FSD1L: variants seen among roughly 807,000 people sequenced by gnomAD.
The protein encoded by FSD1L is FSD1-like protein.
A neutral mutation model predicts 71.6 loss-of-function variants in FSD1L; 45 were observed. The observed-to-expected ratio is 0.63, with a 90% CI of 0.49 to 0.81. The LOEUF is 0.81. FSD1L is among the 30% of genes least tolerant of loss of function. The pLI is 0.00. For synonymous variants in FSD1L, 197 were observed against 207.2 expected, an observed-to-expected ratio of 0.95 and a Z score of 0.42; for missense variants, 561 against 618.1, an observed-to-expected ratio of 0.91 and a Z score of 0.98.
At chr9:105,536,936 C>A (rs1281801588) in intron 12 of FSD1L, among the ~76,000 whole-genome samples, 1 of 152,146 alleles carries the variant, frequency 6.6e-6, no homozygotes, top group Admixed American at 6.5e-5. Context: ...CACACCCAGC[C>A]AGTTTATGGT....
Position 105,448,068 on chromosome 9 carries a change from C to CGCGCGGTCTGG in FSD1L, c.-146_-136dup. ...TGGCAACCGCGGCGTGACTACGGCG[C>CGCGCGGTCTGG]GCGCGGTCTGGGCGCGGACGGGTGG... On this transcript the variant is annotated 5_prime_UTR_variant, in exon 1 of 14. Coordinates refer to ENST00000481272, the MANE Select transcript of FSD1L (RefSeq NM_001145313.3). 1 of 836,116 alleles carries CGCGCGGTCTGG rather than the reference C, an allele frequency of 1.2e-6. No homozygotes were observed. Among genetic ancestry groups the CGCGCGGTCTGG allele is most frequent in the Non-Finnish European group, 1.9e-6 (1 of 519,962 alleles). The allele number at this position is 836,116 out of a possible 1,614,324, so 51.8% of individuals were successfully genotyped here.
At chr9:105,477,625 A>G (rs1380190674) in intron 5 of FSD1L, among the ~76,000 whole-genome samples, 1 of 152,242 alleles carries the variant, frequency 6.6e-6, no homozygotes, top group Non-Finnish European at 1.5e-5. Flanking sequence ...TACTTGTTTC[A>G]TATCAGGTAC....
At chr9:105,484,715 C>T (rs1379133686) in intron 7 of FSD1L, among the ~76,000 whole-genome samples, 1 of 151,680 alleles carries the variant, frequency 6.6e-6, no homozygotes, top group Non-Finnish European at 1.5e-5. Flanking sequence ...ATCAAGGGAT[C>T]TCTTATTGTT....
chr9:105,538,601 GC>G (rs1836412989), intron 12 of FSD1L, among the ~76,000 whole-genome samples: 1 of 152,038 alleles, frequency 6.6e-6, no homozygotes, highest in Non-Finnish European at 1.5e-5. Context: ...TTTTTTTAGG[GC>G]ATGATCCTAT....
chr9:105,496,071 CTT>C (rs1284144003), intron 7 of FSD1L, among the ~76,000 whole-genome samples: 1 of 151,036 alleles, frequency 6.6e-6, no homozygotes, highest in Non-Finnish European at 1.5e-5. Flanking sequence ...TTGACGATGT[CTT>C]TTACAGAGCA....
chr9:105,517,904 T>G (rs995678714), intron 10 of FSD1L, among the ~76,000 whole-genome samples: 12 of 152,184 alleles, frequency 7.9e-5, no homozygotes, highest in African/African-American at 2.9e-4. Context: ...GTATGCTATA[T>G]TCAGGAGACC....
Position 105,454,670 on chromosome 9 carries a change from G to T in FSD1L, c.15+6435G>T, listed in dbSNP as rs117398101. On this transcript the variant is annotated intron_variant, in intron 1 of 13. Coordinates refer to ENST00000481272, the MANE Select transcript of FSD1L (RefSeq NM_001145313.3). ...ACTGGGTAAAACAGCCAGTTCAAAG[G>T]CCACTGCACATGGTTAAGGCTTCTT... Among the ~76,000 whole-genome samples, 1,206 of 152,234 alleles carry T rather than the reference G, an allele frequency of 7.9e-3. 10 individuals are homozygous for T. Among genetic ancestry groups the T allele is most frequent in the Middle Eastern group, 0.02 (6 of 294 alleles).
intron 7 of FSD1L, among the ~76,000 whole-genome samples, chr9:105,503,542 T>A (rs1245780432): frequency 6.6e-6 from 1 of 152,218 alleles, no homozygotes; most frequent in African/African-American, 2.4e-5. Flanking sequence ...ACTTACCTTT[T>A]ACATTCAGGT....
chr9:105,481,141 C>CTGTGTGTG (rs376069658), intron 6 of FSD1L, among the ~76,000 whole-genome samples: 2,574 of 81,522 alleles, frequency 0.032, 110 homozygotes, highest in South Asian at 0.048. Flanking sequence ...CAGGCAAACT[C>CTGTGTGTG]TGTGTGTGTG....
Position 105,509,085 on chromosome 9 carries a change from C to T in FSD1L, c.895+370C>T, listed in dbSNP as rs528625070. Among the ~76,000 whole-genome samples the T allele has an allele frequency of 1.1e-4, 16 of 152,258 alleles. No homozygotes were observed. In the South Asian group the frequency reaches 3.3e-3, roughly 32 times the overall value. On this transcript the variant is annotated intron_variant, in intron 9 of 13. Coordinates refer to ENST00000481272, the MANE Select transcript of FSD1L (RefSeq NM_001145313.3). ...GGGAAGTATCTGTTTAGTTCAGGTC[C>T]TCTCTGTTTTCCTGTATCTTATTGC...
intron 10 of FSD1L, chr9:105,524,846 T>C: frequency 6.3e-7 from 1 of 1,592,120 alleles, no homozygotes; most frequent in Admixed American, 1.7e-5. Flanking sequence ...TGCTAACAAG[T>C]CAGGTGTGTG....
At chr9:105,443,093 T>G (rs1588887186), upstream of FSD1L, among the ~76,000 whole-genome samples, 1 of 152,228 alleles carries the variant, frequency 6.6e-6, no homozygotes, top group East Asian at 1.9e-4. Context: ...CACTGACTGC[T>G]TACCACTTGG....
chr9:105,482,994 C>A (rs958536873), intron 6 of FSD1L, among the ~76,000 whole-genome samples: 4 of 152,034 alleles, frequency 2.6e-5, no homozygotes, highest in African/African-American at 9.7e-5. Context: ...CAGATGTCCT[C>A]GAATCAAAAG....
At chr9:105,522,577 G>A in intron 10 of FSD1L, 1 of 1,613,486 alleles carries the variant, frequency 6.2e-7, no homozygotes, top group South Asian at 1.1e-5. Context: ...TTTTCACAAA[G>A]TGAAGAAACT....
In FSD1L at chr9:105,547,087, A is replaced by G. The variant is rs376264720; in HGVS notation, c.*604A>G. 2.0e-5 allele frequency: 3 copies of G among 152,418 alleles called. No individual in the cohort carries two copies. In the East Asian group the frequency reaches 5.8e-4, roughly 29 times the overall value. The allele number at this position is 152,418 out of a possible 1,614,324, so 9.4% of individuals were successfully genotyped here. On this transcript the variant is annotated 3_prime_UTR_variant, in exon 14 of 14. Coordinates refer to ENST00000481272, the MANE Select transcript of FSD1L (RefSeq NM_001145313.3). ...TTCTTTTTTCCAAAATATTGTGATA[A>G]GAAATTTCTAGACACAACAGCTTAA... is the stretch of plus-strand genomic sequence containing the variant.
intron 4 of FSD1L, among the ~76,000 whole-genome samples, chr9:105,469,800 GTCTATTTTTGC>G (rs1831332091): frequency 6.8e-6 from 1 of 147,330 alleles, no homozygotes; most frequent in African/African-American, 2.5e-5. Flanking sequence ...CATCTAATTT[GTCTATTTTTGC>G]TTTCATTGTC....
Position 105,514,721 on chromosome 9 carries a change from C to G in FSD1L, c.1025+1785C>G, listed in dbSNP as rs567984981. On this transcript the variant is annotated intron_variant, in intron 10 of 13. Transcript: ENST00000481272. ...CACAAAGGAAAGAGTATCCACTACC[C>G]CAGTGTTCAATTTTTCCCAACAGAA... Among the ~76,000 whole-genome samples the G allele has an allele frequency of 6.6e-5, 10 of 152,162 alleles. No individual in the cohort carries two copies. In the East Asian group the frequency reaches 1.9e-3, roughly 29 times the overall value.
intron 10 of FSD1L, among the ~76,000 whole-genome samples, chr9:105,528,042 A>G (rs1835635847): frequency 6.6e-6 from 1 of 152,228 alleles, no homozygotes; most frequent in Non-Finnish European, 1.5e-5. Flanking sequence ...ACTCTTATTC[A>G]CAATTGCTAC....
rs372012631 is a variant in FSD1L at position 105,492,165 on chromosome 9, T to A, written c.586+7663T>A. On this transcript the variant is annotated intron_variant, in intron 7 of 13. Coordinates refer to ENST00000481272, the MANE Select transcript of FSD1L (RefSeq NM_001145313.3). ...GGTTGGTAAGCTATTGATTATTGCCTCAATTTCAGAGCCTGTTATTGGTCT... is the reference window on the plus strand; with the variant it reads ...GGTTGGTAAGCTATTGATTATTGCCACAATTTCAGAGCCTGTTATTGGTCT... Among the ~76,000 whole-genome samples the A allele has an allele frequency of 7.9e-3, 1,205 of 152,238 alleles. 10 individuals are homozygous for A. Among genetic ancestry groups the A allele is most frequent in the Middle Eastern group, 0.02 (6 of 294 alleles).
Sources: gnomAD v4.1 joint callset for allele counts (sites outside exome capture counted in the v4.1 genomes callset) on GRCh38, gnomAD v4.1.1 for gene constraint, MANE v1.5 for transcripts, NCBI Gene and HGNC (gene_info 2026-07-23, HGNC 2026-07-21) for gene names.